Variants in MPPED1 observed in about 807,000 individuals in gnomAD.
MPPED1 encodes metallophosphoesterase domain-containing protein 1.
Under a neutral mutation model 36.2 loss-of-function variants are expected in MPPED1, and 16 were observed. The observed-to-expected ratio is 0.44, with a 90% confidence interval of 0.30 to 0.67. The LOEUF is 0.67. Ranked by LOEUF, MPPED1 falls within the 30% of genes least tolerant of loss-of-function variation. MPPED1 has a pLI of 0.10. For missense variants in MPPED1, 307 were observed against 453.4 expected (o/e 0.68, Z 2.93); for synonymous variants, 199 against 191.3 (o/e 1.04, Z -0.33).
chr22:43,412,570 G>C lies in MPPED1; in HGVS notation c.-79+412G>C, dbSNP rs188920535. On this transcript the variant is annotated intron_variant, in intron 1 of 6. Coordinates refer to ENST00000443721, the MANE Select transcript of MPPED1 (RefSeq NM_001044370.2). ...CTGCCAAGCCCCTGCTGGCACTTGG[G>C]GGGGAAGAGATAGGGAACGAACGCT... Among the ~76,000 whole-genome samples, 349 of 152,288 alleles carry C rather than the reference G, an allele frequency of 2.3e-3. 1 individual carries two copies. Among genetic ancestry groups the C allele is most frequent in the Non-Finnish European group, 4.0e-3 (270 of 68,020 alleles).
At position 43,498,284 on chromosome 22, in the gene MPPED1, C is replaced by T; in HGVS notation, c.682C>T (p.Leu228=). The change falls in exon 5 of 7, where the codon CTG becomes TTG. Residue 228 remains leucine (L), a synonymous_variant. Coordinates refer to ENST00000443721, the MANE Select transcript of MPPED1 (RefSeq NM_001044370.2). ...CTTCAACCTCCCGCGAGGCCAAGCC[C>T]TGCTGGAGAAATGGAACCTCATTCC... is the stretch of plus-strand genomic sequence containing the variant. The part of the protein sequence containing the change: ...WGFNLPRGQA[L]LEKWNLIPEG... 2 of 1,535,400 alleles carry T rather than the reference C, an allele frequency of 1.3e-6. No homozygotes were observed. Among genetic ancestry groups the T allele is most frequent in the Non-Finnish European group, 1.7e-6 (2 of 1,146,566 alleles).
chr22:43,423,519 T>C (rs946006666), intron 1 of MPPED1, among the ~76,000 whole-genome samples: 6 of 152,144 alleles, frequency 3.9e-5, no homozygotes, highest in Non-Finnish European at 7.4e-5. Flanking sequence ...GGGATATGTT[T>C]TGGGAATCAG....
Position 43,460,247 on chromosome 22 carries a change from ACAAAAACAAACC to A in MPPED1, c.407-14484_407-14473del, listed in dbSNP as rs1238244775. Among the ~76,000 whole-genome samples, 143 of 62,304 alleles carry A rather than the reference ACAAAAACAAACC, an allele frequency of 2.3e-3. 3 individuals carry two copies. The Middle Eastern group carries it at 0.091, about 40-fold the overall frequency. 40.9% of individuals were successfully genotyped at this position (62,304 alleles called of 152,430 possible). On this transcript the variant is annotated intron_variant, in intron 3 of 6. Coordinates refer to ENST00000443721, the MANE Select transcript of MPPED1 (RefSeq NM_001044370.2). ...AACAAAAACAAAAACAAAAACAAAA[ACAAAAACAAACC>A]CAAACCCCCCCCCCCAAACCCAAAG...
intron 4 of MPPED1, among the ~76,000 whole-genome samples, chr22:43,483,637 A>G (rs1434307483): frequency 6.6e-6 from 1 of 152,218 alleles, no homozygotes; most frequent in African/African-American, 2.4e-5. Context: ...TTAGTCTCCA[A>G]TAATTCCCTC....
chr22:43,447,549 G>A lies in MPPED1; in HGVS notation c.406+12334G>A, dbSNP rs553567589. Among the ~76,000 whole-genome samples the A allele has an allele frequency of 2.0e-5, 3 of 152,008 alleles. No individual in the cohort carries two copies. The South Asian group carries it at 6.2e-4, about 32-fold the overall frequency. ...CAGCATAAACGTTGTCAGAAGCCCG[G>A]GGACTAGTTCCATTTGGAGAATACG... On this transcript the variant is annotated intron_variant, in intron 3 of 6. Coordinates refer to ENST00000443721, the MANE Select transcript of MPPED1 (RefSeq NM_001044370.2).
At chr22:43,476,811 A>C (rs1348385858) in intron 4 of MPPED1, among the ~76,000 whole-genome samples, 1 of 152,072 alleles carries the variant, frequency 6.6e-6, no homozygotes, top group Non-Finnish European at 1.5e-5. Context: ...GGTCAGTACC[A>C]AGGACAAGGA....
At chr22:43,460,538 A>T (rs1041291814) in intron 3 of MPPED1, among the ~76,000 whole-genome samples, 21 of 152,122 alleles carry the variant, frequency 1.4e-4, no homozygotes, top group African/African-American at 4.8e-4. Flanking sequence ...TATGGGAATC[A>T]GATCCCACCC....
chr22:43,468,555 A>G (rs1021265813), intron 3 of MPPED1, among the ~76,000 whole-genome samples: 1 of 152,180 alleles, frequency 6.6e-6, no homozygotes, highest in Non-Finnish European at 1.5e-5. Context: ...TTCAAGTCCT[A>G]GCTCTCTCCA....
At chr22:43,415,193 T>G in intron 1 of MPPED1, among the ~76,000 whole-genome samples, 1 of 131,422 alleles carries the variant, frequency 7.6e-6, no homozygotes, top group African/African-American at 2.9e-5. Context: ...TTGTCTGACT[T>G]GAGTTTGAAG....
intron 4 of MPPED1, among the ~76,000 whole-genome samples, chr22:43,497,339 A>G (rs1031240912): frequency 2.0e-5 from 3 of 152,012 alleles, no homozygotes; most frequent in African/African-American, 4.8e-5. Context: ...ACCCAGTTCA[A>G]ATGGCTTTGT....
At chr22:43,438,851 C>T (rs189154398) in intron 3 of MPPED1, among the ~76,000 whole-genome samples, 30 of 152,252 alleles carry the variant, frequency 2.0e-4, no homozygotes, top group African/African-American at 6.5e-4. Flanking sequence ...GCCGACAGGG[C>T]GGGAGACCTT....
intron 5 of MPPED1, among the ~76,000 whole-genome samples, chr22:43,500,204 G>GGT (rs1288339738): frequency 1.4e-5 from 1 of 73,644 alleles, no homozygotes; most frequent in Non-Finnish European, 2.6e-5. Context: ...AGGTGGTAAT[G>GGT]GAGGTGGTGG....
intron 3 of MPPED1, among the ~76,000 whole-genome samples, chr22:43,457,020 G>C (rs1449359789): frequency 6.6e-6 from 1 of 152,106 alleles, no homozygotes; most frequent in Non-Finnish European, 1.5e-5. Context: ...TGACTTGCTA[G>C]TATTTTTTTG....
chr22:43,443,301 G>C (rs753502816), intron 3 of MPPED1, among the ~76,000 whole-genome samples: 3 of 152,186 alleles, frequency 2.0e-5, no homozygotes, highest in Admixed American at 6.5e-5. Flanking sequence ...GAGGCCACTG[G>C]GGGGCTTAGG....
chr22:43,463,016 A>T (rs772282441), intron 3 of MPPED1, among the ~76,000 whole-genome samples: 1 of 152,152 alleles, frequency 6.6e-6, no homozygotes, highest in African/African-American at 2.4e-5. Flanking sequence ...TAGTTTATCT[A>T]GGTATAGAAT....
chr22:43,434,649 G>C (rs1929888025), intron 2 of MPPED1, among the ~76,000 whole-genome samples: 1 of 152,214 alleles, frequency 6.6e-6, no homozygotes, highest in African/African-American at 2.4e-5. Context: ...GAAAATAAAA[G>C]ACATCTTGAA....
At chr22:43,428,966 G>C (rs532535659) in intron 2 of MPPED1, among the ~76,000 whole-genome samples, 53 of 152,132 alleles carry the variant, frequency 3.5e-4, no homozygotes, top group South Asian at 1.2e-3. Flanking sequence ...AAGTCCCCAG[G>C]GCCATGGCAC....
At position 43,474,437 on chromosome 22, in the gene MPPED1, G is replaced by T. The variant is rs1931477099; in HGVS notation, c.407-299G>T. Among the ~76,000 whole-genome samples, 1 of 152,234 alleles carries T rather than the reference G, an allele frequency of 6.6e-6. No individual in the cohort carries two copies. The highest frequency in any genetic ancestry group is 6.5e-5 in the Admixed American group (1 of 15,286). On this transcript the variant is annotated intron_variant, in intron 3 of 6. Coordinates refer to ENST00000443721, the MANE Select transcript of MPPED1 (RefSeq NM_001044370.2). The surrounding 1 kb of genome is among the most constrained non-coding windows in gnomAD (Gnocchi z 5.2). ...TTGATCTGATGAAGACACCTGTTGG[G>T]GGCCTGGCAGCAGGTACCCCTGTCA...
At chr22:43,483,947 C>T (rs766018024) in intron 4 of MPPED1, among the ~76,000 whole-genome samples, 11 of 152,250 alleles carry the variant, frequency 7.2e-5, no homozygotes, top group Admixed American at 3.9e-4. Flanking sequence ...TTCTGTTCTG[C>T]TGTTTTCCTG....
Sources: allele counts gnomAD v4.1 joint callset (sites outside exome capture counted in the v4.1 genomes callset), GRCh38; gene constraint gnomAD v4.1.1; non-coding constraint Gnocchi (gnomAD v3.1); transcripts MANE v1.5; gene names NCBI Gene and HGNC (gene_info 2026-07-23, HGNC 2026-07-21).